RTF2: variants seen among roughly 807,000 people sequenced by gnomAD.
RTF2 encodes UPF0549 protein C20orf43.
In RTF2, 18 loss-of-function variants were observed where a neutral mutation model predicts 38.0. The ratio of observed to expected loss-of-function variants is 0.47; its 90% CI spans 0.33 to 0.70. The LOEUF is 0.70. RTF2 is among the 30% of genes least tolerant of loss of function. RTF2 has a pLI of 0.02. For synonymous variants in RTF2, 126 were observed against 137.1 expected (o/e 0.92, Z 0.57); for missense variants, 311 against 379.6 (o/e 0.82, Z 1.50).
chr20:56,485,676 C>G (rs1443196565), intron 5 of RTF2, among the ~76,000 whole-genome samples: 1 of 152,088 alleles, frequency 6.6e-6, no homozygotes, highest in Admixed American at 6.6e-5. Context: ...TCTTATTAAG[C>G]TTTCTTTTAA....
intron 4 of RTF2, among the ~76,000 whole-genome samples, chr20:56,482,103 T>C (rs1168981517): frequency 6.6e-6 from 1 of 152,194 alleles, no homozygotes; most frequent in Non-Finnish European, 1.5e-5. Flanking sequence ...CTTTGCTTAT[T>C]TTGACTTTGT....
In RTF2 at chr20:56,496,897, A is replaced by G. The variant is rs576310989; in HGVS notation, c.477+12708A>G. ...TGACTTGTCTTGGATTTAATGTGCA[A>G]TGGTTGGATTACTCCAGGAGTAATA... On this transcript the variant is annotated intron_variant, in intron 5 of 8. Coordinates refer to ENST00000357348, the MANE Select transcript of RTF2 (RefSeq NM_016407.5). 7.6e-4 allele frequency: 1,183 copies of G among 1,551,642 alleles called. 19 individuals carry two copies. In the South Asian group the frequency reaches 0.013, roughly 16 times the overall value.
chr20:56,492,930 C>T (rs1983260617), intron 5 of RTF2, among the ~76,000 whole-genome samples: 1 of 152,094 alleles, frequency 6.6e-6, no homozygotes, highest in African/African-American at 2.4e-5. Flanking sequence ...GTAATCCCAG[C>T]ACTTTGGGAG....
chr20:56,513,451 G>T (rs1430108821), intron 6 of RTF2, 23 bp downstream of exon 6: 8 of 1,556,370 alleles, frequency 5.1e-6, no homozygotes, highest in Admixed American at 1.9e-5. Flanking sequence ...TTCAGGTTCC[G>T]CCCAGCCCCC....
Position 56,473,251 on chromosome 20 carries a change from C to G in RTF2, c.70-50C>G, listed in dbSNP as rs377500460. On this transcript the variant is annotated intron_variant, in intron 1 of 8. Coordinates refer to ENST00000357348, the MANE Select transcript of RTF2 (RefSeq NM_016407.5). The stretch of plus-strand genomic sequence containing the variant: ...TACTTTTATATGTAGAATTGTGAAC[C>G]ATGTGTCTTTCAGAGTTGAAAATTA... The G allele has an allele frequency of 7.1e-5, 92 of 1,290,226 alleles. No homozygotes were observed. The Admixed American group carries it at 7.9e-4, about 11-fold the overall frequency. The allele number at this position is 1,290,226 out of a possible 1,614,324, so 79.9% of individuals were successfully genotyped here. A position where few individuals can be genotyped will look rare whatever the true frequency, so the allele number is the denominator to read the frequency against.
chr20:56,506,035 G>T (rs894596619), intron 5 of RTF2, among the ~76,000 whole-genome samples: 15 of 152,162 alleles, frequency 9.9e-5, no homozygotes, highest in Admixed American at 7.9e-4. Flanking sequence ...GCACCGTCAC[G>T]TATGGGGATG....
At chr20:56,484,032 T>A (rs1982655170) in intron 4 of RTF2, 79 bp from the exon 5 acceptor site, 1 of 1,203,680 alleles carries the variant, frequency 8.3e-7, no homozygotes, top group African/African-American at 1.5e-5. Flanking sequence ...TTGTGGTTCT[T>A]GGCCTTTGTA....
At position 56,518,471 on chromosome 20, in the gene RTF2, C is replaced by T. The variant is rs1310892349; in HGVS notation, c.*206C>T. 4 of 470,790 alleles carry T rather than the reference C, an allele frequency of 8.5e-6. No individual in the cohort carries two copies. Among genetic ancestry groups the T allele is most frequent in the Non-Finnish European group, 1.5e-5 (4 of 272,930 alleles). 29.2% of individuals were successfully genotyped at this position (470,790 alleles called of 1,614,324 possible). A position where few individuals can be genotyped will look rare whatever the true frequency, so the allele number is the denominator to read the frequency against. On this transcript the variant is annotated 3_prime_UTR_variant, in exon 9 of 9. Transcript: ENST00000357348. Reference sequence around the variant, plus strand: ...GGACATGGGAGGGGCTGCACAGTGGCCCGAGGTCATGCTTGCTTCCACCTG... The same window carrying T: ...GGACATGGGAGGGGCTGCACAGTGGTCCGAGGTCATGCTTGCTTCCACCTG...
At chr20:56,474,657 T>C in intron 2 of RTF2, 21 bp from the exon 3 acceptor site, 1 of 1,517,110 alleles carries the variant, frequency 6.6e-7, no homozygotes, top group Non-Finnish European at 9.0e-7. Context: ...TGACATAATA[T>C]TCTAATACTT....
At chr20:56,491,645 A>T in intron 5 of RTF2, 1 of 1,551,958 alleles carries the variant, frequency 6.4e-7, no homozygotes, top group South Asian at 1.2e-5. Context: ...CAGCACTTGA[A>T]GTCTGTGCCG....
Position 56,497,331 on chromosome 20 carries a change from C to T in RTF2, c.477+13142C>T, listed in dbSNP as rs576512603. Reference sequence around the variant, plus strand: ...GGGTCTGGTTATGAAATGCAGCCCCCGAGAAATCCTGGAGCAGTTTCCTGG... The same window carrying T: ...GGGTCTGGTTATGAAATGCAGCCCCTGAGAAATCCTGGAGCAGTTTCCTGG... On this transcript the variant is annotated intron_variant, in intron 5 of 8. Transcript: ENST00000357348. 60 of 1,550,316 alleles carry T rather than the reference C, an allele frequency of 3.9e-5. No homozygotes were observed. The East Asian group carries it at 5.9e-4, about 15-fold the overall frequency.
At position 56,518,569 on chromosome 20, in the gene RTF2, A is replaced by G. The variant is rs1985207575; in HGVS notation, c.*304A>G. On this transcript the variant is annotated 3_prime_UTR_variant, in exon 9 of 9. Transcript: ENST00000357348. Reference sequence around the variant, plus strand: ...CTTTTTATGCTTGCAGTAACAAGAGACTCCAGAGTCCTCACCGGTGCAGAG... The same window carrying G: ...CTTTTTATGCTTGCAGTAACAAGAGGCTCCAGAGTCCTCACCGGTGCAGAG... 1 of 284,766 alleles carries G rather than the reference A, an allele frequency of 3.5e-6. No homozygotes were observed. Among genetic ancestry groups the G allele is most frequent in the Non-Finnish European group, 6.5e-6 (1 of 154,294 alleles). The allele number at this position is 284,766 out of a possible 1,614,324, so 17.6% of individuals were successfully genotyped here.
chr20:56,484,817 TG>T lies in RTF2; in HGVS notation c.477+631del, dbSNP rs536194251. Among the ~76,000 whole-genome samples, 18 of 152,312 alleles carry T rather than the reference TG, an allele frequency of 1.2e-4. No homozygotes were observed. The East Asian group carries it at 2.7e-3, about 23-fold the overall frequency. The stretch of plus-strand genomic sequence containing the variant: ...CTGAAGCCAGAATGTGTGTGTGTCT[TG>T]GGTGTACTGCTGGCCCATCGAAAGC... On this transcript the variant is annotated intron_variant, in intron 5 of 8. Coordinates refer to ENST00000357348, the MANE Select transcript of RTF2 (RefSeq NM_016407.5).
intron 5 of RTF2, among the ~76,000 whole-genome samples, chr20:56,495,477 C>T (rs1251459498): frequency 1.3e-5 from 2 of 152,170 alleles, no homozygotes; most frequent in African/African-American, 4.8e-5. Flanking sequence ...AAGGCTAGTG[C>T]TTTTGGGGGT....
chr20:56,497,410 C>T (rs1162763148), intron 5 of RTF2: 1 of 1,548,832 alleles, frequency 6.5e-7, no homozygotes, highest in Admixed American at 2.0e-5. Context: ...CAAAATTTTG[C>T]AATTTAGGGG....
At chr20:56,504,718 G>C (rs1216180252) in intron 5 of RTF2, among the ~76,000 whole-genome samples, 1 of 152,158 alleles carries the variant, frequency 6.6e-6, no homozygotes, top group Non-Finnish European at 1.5e-5. Flanking sequence ...TTCTCTGCTT[G>C]CTGGTACTCT....
At position 56,489,411 on chromosome 20, in the gene RTF2, C is replaced by A. The variant is rs73289031; in HGVS notation, c.477+5222C>A. Reference sequence around the variant, plus strand: ...ACATGTCTTCATTATAGCATTAAGCCTGTTGGGGGCAGGTGTTTGTTTCAA... The same window carrying A: ...ACATGTCTTCATTATAGCATTAAGCATGTTGGGGGCAGGTGTTTGTTTCAA... On this transcript the variant is annotated intron_variant, in intron 5 of 8. Transcript: ENST00000357348. 8.4e-3 allele frequency among the ~76,000 whole-genome samples: 1,276 copies of A among 152,152 alleles called. 19 individuals are homozygous for A. Among genetic ancestry groups the A allele is most frequent in the African/African-American group, 0.029 (1,220 of 41,512 alleles).
chr20:56,478,330 C>CA (rs1170440439), intron 4 of RTF2, among the ~76,000 whole-genome samples: 1 of 151,924 alleles, frequency 6.6e-6, no homozygotes, highest in Non-Finnish European at 1.5e-5. Flanking sequence ...CTTTACGAAA[C>CA]AAAATTTTTT....
intron 5 of RTF2, among the ~76,000 whole-genome samples, chr20:56,489,400 T>C (rs900201587): frequency 2.6e-5 from 4 of 152,154 alleles, no homozygotes; most frequent in Non-Finnish European, 4.4e-5. Flanking sequence ...GTCTTCATTA[T>C]AGCATTAAGC....
Sources: allele counts gnomAD v4.1 joint callset (sites outside exome capture counted in the v4.1 genomes callset), GRCh38; gene constraint gnomAD v4.1.1; transcripts MANE v1.5; gene names NCBI Gene and HGNC (gene_info 2026-07-23, HGNC 2026-07-21).